ARHGAP26: variants seen among roughly 807,000 people sequenced by gnomAD.
ARHGAP26 encodes Rho GTPase activating protein 26.
Under a neutral mutation model 104.8 loss-of-function variants are expected in ARHGAP26, and 38 were observed. The ratio of observed to expected loss-of-function variants is 0.36; its 90% CI spans 0.28 to 0.48. The LOEUF is 0.48. Ranked by LOEUF, ARHGAP26 falls within the 20% of genes least tolerant of loss-of-function variation. The probability of loss-of-function intolerance (pLI) is 0.99; values close to 1 mark genes in which losing one functional copy is unlikely to be tolerated. For missense variants in ARHGAP26, 704 were observed against 947.9 expected (o/e 0.74, Z 3.38); for synonymous variants, 341 against 340.0 (o/e 1.00, Z -0.03).
chr5:142,956,469 C>A (rs556937983), intron 11 of ARHGAP26, among the ~76,000 whole-genome samples: 1 of 151,928 alleles, frequency 6.6e-6, no homozygotes, highest in African/African-American at 2.4e-5. Context: ...CCCAGCTACT[C>A]GGGAAGCTGA....
rs571043837 is a variant in ARHGAP26 at position 142,902,578 on chromosome 5, G to A, written c.702+539G>A. Among the ~76,000 whole-genome samples, 5 of 152,246 alleles carry A rather than the reference G, an allele frequency of 3.3e-5. No homozygotes were observed. In the South Asian group the frequency reaches 6.2e-4, roughly 19 times the overall value. ...GACCTTTTGGTGCACAGAATCCTGC[G>A]TAGGGCTTTTTGGTTAGCAGTCACT... is the stretch of plus-strand genomic sequence containing the variant. On this transcript the variant is annotated intron_variant, in intron 7 of 22. Transcript: ENST00000645722.
At chr5:142,858,042 T>TGA (rs376522081) in intron 1 of ARHGAP26, among the ~76,000 whole-genome samples, 10 of 134,248 alleles carry the variant, frequency 7.4e-5, no homozygotes, top group South Asian at 7.3e-4. Flanking sequence ...AGAGAAGGAA[T>TGA]GAGAGAGAGA....
chr5:143,121,232 T>A, intron 18 of ARHGAP26, 85 bp downstream of exon 18: 3 of 1,379,346 alleles, frequency 2.2e-6, no homozygotes, highest in Non-Finnish European at 2.0e-6. Context: ...GGCTCAGATT[T>A]GCATTGCTAA....
rs1373586200 is a variant in ARHGAP26 at position 143,226,714 on chromosome 5, T to C, written c.*4268T>C. 1 of 217,734 alleles carries C rather than the reference T, an allele frequency of 4.6e-6. No homozygotes were observed. Among genetic ancestry groups the C allele is most frequent in the African/African-American group, 2.3e-5 (1 of 44,390 alleles). 13.5% of individuals were successfully genotyped at this position (217,734 alleles called of 1,614,324 possible). A position where few individuals can be genotyped will look rare whatever the true frequency, so the allele number is the denominator to read the frequency against. On this transcript the variant is annotated 3_prime_UTR_variant, in exon 23 of 23. Coordinates refer to ENST00000645722, the MANE Select transcript of ARHGAP26 (RefSeq NM_001135608.3). The stretch of plus-strand genomic sequence containing the variant: ...GTCTGAAGTATTTATACGGCCAATA[T>C]GTGTTTTCTTATGTCAGACCACACT...
In ARHGAP26 at chr5:142,907,849, A is replaced by G. The variant is rs748624581; in HGVS notation, c.933+45A>G. On this transcript the variant is annotated intron_variant, in intron 9 of 22. Coordinates refer to ENST00000645722, the MANE Select transcript of ARHGAP26 (RefSeq NM_001135608.3). ...TTGATGTTTGATTTGCTTGGCTAAC[A>G]TATAATGATTATAATGCATGTATAA... The G allele has an allele frequency of 1.4e-5, 20 of 1,393,178 alleles. No homozygotes were observed. The East Asian group carries it at 3.9e-4, about 27-fold the overall frequency. 86.3% of individuals were successfully genotyped at this position (1,393,178 alleles called of 1,614,324 possible). A position where few individuals can be genotyped will look rare whatever the true frequency, so the allele number is the denominator to read the frequency against.
chr5:143,205,994 T>C (rs897371309), intron 20 of ARHGAP26, among the ~76,000 whole-genome samples: 1 of 152,236 alleles, frequency 6.6e-6, no homozygotes, highest in Non-Finnish European at 1.5e-5. Flanking sequence ...GCCTCTCTGA[T>C]GAACTCACAC....
At chr5:142,892,724 A>G (rs920236156) in intron 5 of ARHGAP26, among the ~76,000 whole-genome samples, 33 of 152,164 alleles carry the variant, frequency 2.2e-4, no homozygotes, top group Non-Finnish European at 7.3e-5. Flanking sequence ...TTTATGGGGC[A>G]TGTATACTAT....
Position 142,954,711 on chromosome 5 carries a change from C to T in ARHGAP26, c.1107+22586C>T, listed in dbSNP as rs200686578. Among the ~76,000 whole-genome samples the T allele has an allele frequency of 3.6e-4, 55 of 152,280 alleles. No homozygotes were observed. The East Asian group carries it at 3.7e-3, about 10-fold the overall frequency. On this transcript the variant is annotated intron_variant, in intron 11 of 22. Coordinates refer to ENST00000645722, the MANE Select transcript of ARHGAP26 (RefSeq NM_001135608.3). ...AAGCATATGAAACTTGACTAGTGTC[C>T]AGTGGTGATATGACGTCAACTCAGA...
chr5:143,175,737 TGA>T (rs1467093842), intron 20 of ARHGAP26, among the ~76,000 whole-genome samples: 1 of 152,178 alleles, frequency 6.6e-6, no homozygotes, highest in Non-Finnish European at 1.5e-5. Context: ...TATTTAGGTT[TGA>T]GAGAGAACTG....
At chr5:143,072,387 C>T (rs1411443574) in intron 17 of ARHGAP26, among the ~76,000 whole-genome samples, 2 of 152,198 alleles carry the variant, frequency 1.3e-5, no homozygotes, top group African/African-American at 4.8e-5. Context: ...CATGATCCAG[C>T]AGTCCCACTA....
At chr5:143,012,740 A>G (rs375863670) in intron 11 of ARHGAP26, among the ~76,000 whole-genome samples, 8 of 147,736 alleles carry the variant, frequency 5.4e-5, no homozygotes, top group African/African-American at 2.0e-4. Context: ...TGCAAGCTCG[A>G]CCTCCTGGGT....
intron 20 of ARHGAP26, among the ~76,000 whole-genome samples, chr5:143,148,271 T>C (rs1277169402): frequency 1.3e-5 from 2 of 152,160 alleles, no homozygotes; most frequent in East Asian, 3.8e-4. Flanking sequence ...AGCATGGCGG[T>C]GAGATGCTAG....
chr5:142,929,503 T>C (rs1167852899), intron 10 of ARHGAP26, among the ~76,000 whole-genome samples: 1 of 152,196 alleles, frequency 6.6e-6, no homozygotes, highest in African/African-American at 2.4e-5. Flanking sequence ...AGAATAAAGA[T>C]AGTTCACCCT....
intron 12 of ARHGAP26, among the ~76,000 whole-genome samples, chr5:143,032,567 C>A (rs1040913055): frequency 6.6e-6 from 1 of 152,148 alleles, no homozygotes; most frequent in African/African-American, 2.4e-5. Flanking sequence ...CTTTTTCTGT[C>A]GTTAGCAAAC....
chr5:143,182,529 G>A (rs1159871722), intron 20 of ARHGAP26, among the ~76,000 whole-genome samples: 6 of 152,084 alleles, frequency 3.9e-5, no homozygotes, highest in Non-Finnish European at 7.4e-5. Flanking sequence ...AAGTGAATCC[G>A]TTTTAGTTTA....
intron 20 of ARHGAP26, among the ~76,000 whole-genome samples, chr5:143,167,975 CTTGTA>C (rs1802242925): frequency 6.6e-6 from 1 of 152,064 alleles, no homozygotes; most frequent in Non-Finnish European, 1.5e-5. Context: ...ACATAAAGTA[CTTGTA>C]TTGAATGGTC....
At chr5:143,079,559 C>A (rs1010357207) in intron 17 of ARHGAP26, among the ~76,000 whole-genome samples, 1 of 152,186 alleles carries the variant, frequency 6.6e-6, no homozygotes, top group Non-Finnish European at 1.5e-5. Flanking sequence ...CACGGGACAA[C>A]CAGCCTGGTA....
intron 7 of ARHGAP26, 33 bp downstream of exon 7, chr5:142,902,072 T>G: frequency 6.3e-7 from 1 of 1,589,120 alleles, no homozygotes; most frequent in Non-Finnish European, 8.6e-7. Context: ...TTCTTTTATC[T>G]GGTTAAGGAA....
At chr5:142,847,337 C>T (rs112451345) in intron 1 of ARHGAP26, among the ~76,000 whole-genome samples, 11,282 of 151,698 alleles carry the variant, frequency 0.074, 616 homozygotes, top group African/African-American at 0.15. Context: ...GGTCACACAG[C>T]GAATACAGCA....
Sources: gnomAD v4.1 joint callset for allele counts (sites outside exome capture counted in the v4.1 genomes callset) on GRCh38, gnomAD v4.1.1 for gene constraint, MANE v1.5 for transcripts, NCBI Gene and HGNC (gene_info 2026-07-23, HGNC 2026-07-21) for gene names.